RCAN2: variants seen among roughly 807,000 people sequenced by gnomAD.
RCAN2 encodes calcipressin-2.
A neutral mutation model predicts 23.6 loss-of-function variants in RCAN2; 9 were observed. The ratio of observed to expected loss-of-function variants is 0.38; its 90% CI spans 0.23 to 0.67. RCAN2 has a LOEUF of 0.67. RCAN2 is among the 30% of genes least tolerant of loss of function. The pLI is 0.51. For synonymous variants in RCAN2, 109 were observed against 115.7 expected (o/e 0.94, Z 0.37); for missense variants, 273 against 302.3 (o/e 0.90, Z 0.72).
chr6:46,304,631 G>A (rs1462527475), intron 2 of RCAN2, among the ~76,000 whole-genome samples: 1 of 152,100 alleles, frequency 6.6e-6, no homozygotes, highest in African/African-American at 2.4e-5. Flanking sequence ...GGAGGGGTCG[G>A]AATAAAAGAA....
At chr6:46,436,992 G>A (rs2150420032) in intron 2 of RCAN2, among the ~76,000 whole-genome samples, 1 of 152,306 alleles carries the variant, frequency 6.6e-6, no homozygotes, top group Non-Finnish European at 1.5e-5. Context: ...TGTGACTGTT[G>A]TCTGTCATCT....
intron 2 of RCAN2, among the ~76,000 whole-genome samples, chr6:46,336,078 C>A (rs903516564): frequency 6.6e-6 from 1 of 152,132 alleles, no homozygotes; most frequent in Non-Finnish European, 1.5e-5. Context: ...CTTGTACATT[C>A]TAGAGGAGGG....
At chr6:46,398,931 T>G (rs1160146970) in intron 2 of RCAN2, among the ~76,000 whole-genome samples, 3 of 151,138 alleles carry the variant, frequency 2.0e-5, no homozygotes, top group Non-Finnish European at 2.9e-5. Flanking sequence ...TATATACATA[T>G]ATATACATAA....
chr6:46,486,074 C>T (rs1265812523), intron 1 of RCAN2, among the ~76,000 whole-genome samples: 2 of 152,176 alleles, frequency 1.3e-5, no homozygotes, highest in African/African-American at 4.8e-5. Context: ...AACATCTGTG[C>T]AGAGCATTCC....
At chr6:46,247,861 G>A (rs182696359) in intron 3 of RCAN2, among the ~76,000 whole-genome samples, 6 of 152,272 alleles carry the variant, frequency 3.9e-5, no homozygotes, top group East Asian at 3.9e-4. Flanking sequence ...CCTAGGAGTC[G>A]AATTGCTGGG....
intron 2 of RCAN2, among the ~76,000 whole-genome samples, chr6:46,376,406 G>A (rs986438361): frequency 1.3e-5 from 2 of 152,226 alleles, no homozygotes; most frequent in African/African-American, 4.8e-5. Flanking sequence ...TTAAGAGTGG[G>A]CTCTGTGGCT....
intron 4 of RCAN2, among the ~76,000 whole-genome samples, chr6:46,232,438 TG>T (rs1765928912): frequency 6.6e-6 from 1 of 152,024 alleles, no homozygotes; most frequent in African/African-American, 2.4e-5. Context: ...CAGCTCTGGT[TG>T]GGGGTGTCTC....
chr6:46,369,811 T>C (rs1054638802), intron 2 of RCAN2, among the ~76,000 whole-genome samples: 2 of 152,216 alleles, frequency 1.3e-5, no homozygotes, highest in Non-Finnish European at 2.9e-5. Context: ...AAACTATGAA[T>C]CTTTTATTTC....
intron 2 of RCAN2, among the ~76,000 whole-genome samples, chr6:46,446,034 T>C (rs188043343): frequency 3.3e-5 from 5 of 151,740 alleles, no homozygotes; most frequent in African/African-American, 1.2e-4. Context: ...ATTTTTCAAA[T>C]CTGGAAAAAT....
chr6:46,279,310 G>C (rs1337005819), intron 2 of RCAN2, among the ~76,000 whole-genome samples: 1 of 152,166 alleles, frequency 6.6e-6, no homozygotes, highest in African/African-American at 2.4e-5. Flanking sequence ...AATACCAAGA[G>C]TGCCCAATTG....
intron 1 of RCAN2, among the ~76,000 whole-genome samples, chr6:46,490,922 G>T (rs1769122095): frequency 6.6e-6 from 1 of 151,898 alleles, no homozygotes; most frequent in African/African-American, 2.4e-5. Context: ...CCCTAGAGGG[G>T]GGTCGCGGGA....
At chr6:46,362,492 C>T (rs949814927) in intron 2 of RCAN2, among the ~76,000 whole-genome samples, 1 of 152,052 alleles carries the variant, frequency 6.6e-6, no homozygotes, top group Non-Finnish European at 1.5e-5. Flanking sequence ...ACAAACCAAA[C>T]AAATCCTCAA....
intron 4 of RCAN2, among the ~76,000 whole-genome samples, chr6:46,233,504 A>G (rs1215722167): frequency 1.3e-5 from 2 of 152,156 alleles, no homozygotes; most frequent in Non-Finnish European, 2.9e-5. Context: ...TCATCCTCAA[A>G]TGAGGAATAG....
At chr6:46,253,443 A>AGT (rs1449898178) in intron 2 of RCAN2, among the ~76,000 whole-genome samples, 13 of 152,228 alleles carry the variant, frequency 8.5e-5, no homozygotes, top group Non-Finnish European at 4.4e-5. Context: ...CCATGAGAAA[A>AGT]GTACCAAGGG....
intron 4 of RCAN2, among the ~76,000 whole-genome samples, chr6:46,230,681 T>C (rs1765852703): frequency 6.6e-6 from 1 of 152,186 alleles, no homozygotes; most frequent in African/African-American, 2.4e-5. Context: ...CTGTCACGGC[T>C]TCCCTTGGCT....
intron 2 of RCAN2, among the ~76,000 whole-genome samples, chr6:46,356,005 G>T (rs957814687): frequency 1.3e-5 from 2 of 152,212 alleles, no homozygotes; most frequent in Admixed American, 1.3e-4. Flanking sequence ...CTCAGCAAGG[G>T]GGAGGATACA....
chr6:46,241,374 C>T (rs1280161187), intron 4 of RCAN2, among the ~76,000 whole-genome samples: 1 of 152,192 alleles, frequency 6.6e-6, no homozygotes, highest in Admixed American at 6.5e-5. Context: ...TGGGCTTCTA[C>T]ACATTCCCCA....
intron 2 of RCAN2, among the ~76,000 whole-genome samples, chr6:46,404,636 T>C (rs1323710333): frequency 3.9e-5 from 6 of 152,330 alleles, no homozygotes; most frequent in South Asian, 4.2e-4. Context: ...AATATATTGA[T>C]CTTGTGTCTA....
intron 2 of RCAN2, among the ~76,000 whole-genome samples, chr6:46,264,307 A>T (rs1049915287): frequency 1.3e-5 from 2 of 152,244 alleles, no homozygotes; most frequent in Admixed American, 1.3e-4. Flanking sequence ...TTGGCAAGTG[A>T]TCAAAGTAAG....
Sources: gnomAD v4.1 joint callset for allele counts (sites outside exome capture counted in the v4.1 genomes callset) on GRCh38, gnomAD v4.1.1 for gene constraint, MANE v1.5 for transcripts, NCBI Gene and HGNC (gene_info 2026-07-23, HGNC 2026-07-21) for gene names.